Variants in NECAB1 observed in about 807,000 individuals in gnomAD.
NECAB1 encodes N-terminal EF-hand calcium binding protein 1, also known as N-terminal EF-hand calcium-binding protein 1.
In NECAB1, 29 loss-of-function variants were observed where a neutral mutation model predicts 57.5. That is an observed-to-expected ratio of 0.50 (90% CI 0.38 to 0.69). The LOEUF (loss-of-function observed/expected upper bound fraction) is 0.69. Among genes scored for constraint, NECAB1 ranks in the 30% least tolerant of loss-of-function variants. The probability of loss-of-function intolerance (pLI) is 0.00; values close to 1 mark genes in which losing one functional copy is unlikely to be tolerated. For synonymous variants in NECAB1, 142 were observed against 147.7 expected (o/e 0.96, Z 0.28); for missense variants, 372 against 413.8 (o/e 0.90, Z 0.88).
intron 7 of NECAB1, among the ~76,000 whole-genome samples, chr8:90,926,808 C>T (rs1810283079): frequency 6.6e-6 from 1 of 152,090 alleles, no homozygotes; most frequent in Non-Finnish European, 1.5e-5. Flanking sequence ...CTCCATTGGC[C>T]AAACAAATCA....
At chr8:90,928,944 G>C (rs1445770564) in intron 8 of NECAB1, among the ~76,000 whole-genome samples, 1 of 149,338 alleles carries the variant, frequency 6.7e-6, no homozygotes, top group Non-Finnish European at 1.5e-5. Context: ...TCTTTGATAG[G>C]AGAGACAACT....
intron 5 of NECAB1, among the ~76,000 whole-genome samples, chr8:90,886,557 G>GT (rs1004049322): frequency 1.3e-5 from 2 of 151,404 alleles, no homozygotes; most frequent in Non-Finnish European, 2.9e-5. Flanking sequence ...TGTTTGTTTT[G>GT]TTTTTTTGGT....
intron 12 of NECAB1, among the ~76,000 whole-genome samples, chr8:90,955,112 T>TATATATATATATA (rs1811003571): frequency 1.4e-5 from 1 of 70,816 alleles, no homozygotes; most frequent in Non-Finnish European, 2.8e-5. Flanking sequence ...GGTATATAAA[T>TATATATATATATA]TATATATATA....
chr8:90,808,778 T>C (rs1452164204), intron 2 of NECAB1, among the ~76,000 whole-genome samples: 14 of 151,304 alleles, frequency 9.3e-5, no homozygotes. Context: ...CGCAAGTAGC[T>C]GGGACTACAG....
intron 10 of NECAB1, among the ~76,000 whole-genome samples, chr8:90,948,589 T>C (rs748093609): frequency 3.9e-5 from 6 of 152,230 alleles, no homozygotes; most frequent in Non-Finnish European, 7.3e-5. Flanking sequence ...TTATTGTTTT[T>C]CTAACCCCTC....
intron 5 of NECAB1, among the ~76,000 whole-genome samples, chr8:90,891,482 C>A (rs753390573): frequency 1.3e-5 from 2 of 151,808 alleles, no homozygotes; most frequent in Non-Finnish European, 2.9e-5. Flanking sequence ...CTAGGTATTT[C>A]TATGAATTCT....
At chr8:90,849,783 T>G (rs1185634016) in intron 3 of NECAB1, among the ~76,000 whole-genome samples, 1 of 146,606 alleles carries the variant, frequency 6.8e-6, no homozygotes, top group Non-Finnish European at 1.5e-5. Flanking sequence ...AAGCTCTGCC[T>G]TCCAGGTTCA....
chr8:90,905,962 C>A (rs1041860376), intron 5 of NECAB1, among the ~76,000 whole-genome samples: 1 of 152,178 alleles, frequency 6.6e-6, no homozygotes, highest in Non-Finnish European at 1.5e-5. Context: ...GTCTCTCACT[C>A]CTTTCTCCTG....
intron 8 of NECAB1, among the ~76,000 whole-genome samples, chr8:90,930,729 C>A (rs1441675536): frequency 1.3e-5 from 2 of 152,196 alleles, no homozygotes; most frequent in Non-Finnish European, 2.9e-5. Flanking sequence ...TGCAAATCAA[C>A]TTTCCTCCTT....
chr8:90,822,840 C>T (rs1319799224), intron 2 of NECAB1, among the ~76,000 whole-genome samples: 2 of 150,380 alleles, frequency 1.3e-5, no homozygotes, highest in East Asian at 1.9e-4. Context: ...AATAGCAGGT[C>T]GATTTCTGTT....
chr8:90,836,236 C>T lies in NECAB1; in HGVS notation c.233+11411C>T, dbSNP rs114102244. On this transcript the variant is annotated intron_variant, in intron 3 of 12. Transcript: ENST00000417640. The stretch of plus-strand genomic sequence containing the variant: ...AAAAAGTTTTCATTACTTAAAAAGA[C>T]GCTCCAACATTGCTTAAAAAGAAGC... 2.2e-3 allele frequency among the ~76,000 whole-genome samples: 330 copies of T among 152,204 alleles called. 1 individual carries two copies. The highest frequency in any genetic ancestry group is 7.5e-3 in the African/African-American group (313 of 41,552).
At chr8:90,941,420 C>A (rs974177416) in intron 10 of NECAB1, among the ~76,000 whole-genome samples, 3 of 152,222 alleles carry the variant, frequency 2.0e-5, no homozygotes, top group Non-Finnish European at 4.4e-5. Flanking sequence ...TTTCTTTCCT[C>A]TTTCCATGGG....
At chr8:90,947,351 C>CACACACACACACACACACACACACACAG (rs1342952213) in intron 10 of NECAB1, among the ~76,000 whole-genome samples, 4 of 125,246 alleles carry the variant, frequency 3.2e-5, no homozygotes, top group African/African-American at 5.9e-5. Flanking sequence ...CACACACACA[C>CACACACACACACACACACACACACACAG]AATAAGCCAA....
At chr8:90,841,268 TAA>T (rs144396332) in intron 3 of NECAB1, among the ~76,000 whole-genome samples, 38 of 140,430 alleles carry the variant, frequency 2.7e-4, no homozygotes, top group East Asian at 1.6e-3. Flanking sequence ...TCAAAAAAAA[TAA>T]AAAAAAAAAA....
At chr8:90,879,509 G>A (rs1442236160) in intron 4 of NECAB1, among the ~76,000 whole-genome samples, 1 of 151,910 alleles carries the variant, frequency 6.6e-6, no homozygotes, top group Non-Finnish European at 1.5e-5. Context: ...TCCTCTTTGA[G>A]GCATTATATA....
intron 5 of NECAB1, among the ~76,000 whole-genome samples, chr8:90,908,180 C>T (rs1377203838): frequency 3.3e-5 from 5 of 152,142 alleles, no homozygotes; most frequent in Non-Finnish European, 5.9e-5. Flanking sequence ...AGTAACATTA[C>T]AAATGAGTGT....
intron 12 of NECAB1, among the ~76,000 whole-genome samples, chr8:90,955,221 T>C (rs1811009326): frequency 1.4e-5 from 2 of 147,686 alleles, no homozygotes; most frequent in African/African-American, 5.0e-5. Flanking sequence ...AGTGCATTTA[T>C]AAACTTGTTG....
At chr8:90,927,186 C>T (rs1810293067) in intron 7 of NECAB1, among the ~76,000 whole-genome samples, 2 of 144,234 alleles carry the variant, frequency 1.4e-5, no homozygotes, top group Non-Finnish European at 1.5e-5. Context: ...CTCCAATCAG[C>T]CCCTTTCTTT....
intron 2 of NECAB1, among the ~76,000 whole-genome samples, chr8:90,820,375 G>C (rs1204242317): frequency 6.6e-6 from 1 of 151,872 alleles, no homozygotes; most frequent in Non-Finnish European, 1.5e-5. Context: ...ACATGTAAAG[G>C]TCAGAATAGG....
Sources: gnomAD v4.1 joint callset for allele counts (sites outside exome capture counted in the v4.1 genomes callset) on GRCh38, gnomAD v4.1.1 for gene constraint, MANE v1.5 for transcripts, NCBI Gene and HGNC (gene_info 2026-07-23, HGNC 2026-07-21) for gene names.